STON2: variants seen among roughly 807,000 people sequenced by gnomAD.
STON2 encodes the protein stonin 2.
Under a neutral mutation model 65.7 loss-of-function variants are expected in STON2, and 29 were observed. The ratio of observed to expected loss-of-function variants is 0.44; its 90% CI spans 0.33 to 0.60. STON2 has a LOEUF of 0.60. STON2 is among the 20% of genes least tolerant of loss of function. The pLI is 0.03. For missense variants in STON2, 1,054 were observed against 1,118.1 expected (o/e 0.94, Z 0.82); for synonymous variants, 404 against 414.2 (o/e 0.98, Z 0.30).
In STON2 at chr14:81,398,676, A is replaced by G. The variant is rs549230271; in HGVS notation, c.-198-96T>C. On this transcript the variant is annotated intron_variant, in intron 1 of 7. Coordinates refer to ENST00000614646, the MANE Select transcript of STON2 (RefSeq NM_001394390.1). Reference sequence around the variant, plus strand: ...TAGGGCTTTTAGCGCTGCCCACAAGAAGGCTTGGGGTGGTTTCCAACTTGC... The same window carrying G: ...TAGGGCTTTTAGCGCTGCCCACAAGGAGGCTTGGGGTGGTTTCCAACTTGC... 1.1e-5 allele frequency: 3 copies of G among 261,250 alleles called. No homozygotes were observed. In the East Asian group the frequency reaches 2.0e-4, roughly 18 times the overall value. 16.2% of individuals were successfully genotyped at this position (261,250 alleles called of 1,614,324 possible).
intron 3 of STON2, among the ~76,000 whole-genome samples, chr14:81,386,958 A>G (rs1424014364): frequency 1.3e-5 from 2 of 152,208 alleles, no homozygotes; most frequent in Admixed American, 6.5e-5. Flanking sequence ...GCTGACTGCT[A>G]TATTCTTCCC....
At chr14:81,385,031 A>G (rs1899726036) in intron 3 of STON2, among the ~76,000 whole-genome samples, 1 of 152,160 alleles carries the variant, frequency 6.6e-6, no homozygotes, top group South Asian at 2.1e-4. Context: ...AGATTGCCCA[A>G]CTGTTAGGCA....
chr14:81,418,730 C>G (rs1901562683), intron 2 of STON2, among the ~76,000 whole-genome samples: 1 of 152,202 alleles, frequency 6.6e-6, no homozygotes, highest in Non-Finnish European at 1.5e-5. Flanking sequence ...CACAGCACAA[C>G]TGTAAAACCT....
At position 81,266,142 on chromosome 14, in the gene STON2, A is replaced by G; in HGVS notation, c.*2272T>C. On this transcript the variant is annotated 3_prime_UTR_variant, in exon 8 of 8. Transcript: ENST00000614646. ...TACTATTGAGACTAAACCTATATTT[A>G]GAAGGAATCTTGGTAGACATATAGA... 1 of 974,626 alleles carries G rather than the reference A, an allele frequency of 1.0e-6. No homozygotes were observed. Among genetic ancestry groups the G allele is most frequent in the African/African-American group, 1.8e-5 (1 of 57,128 alleles). 60.4% of individuals were successfully genotyped at this position (974,626 alleles called of 1,614,324 possible).
intron 4 of STON2, among the ~76,000 whole-genome samples, chr14:81,365,067 C>T (rs140132185): frequency 2.0e-4 from 30 of 152,286 alleles, no homozygotes; most frequent in African/African-American, 6.5e-4. Context: ...GCCCCAAGTT[C>T]TGGGTTGAAT....
intron 4 of STON2, among the ~76,000 whole-genome samples, chr14:81,343,175 A>G (rs1474602992): frequency 6.6e-6 from 1 of 152,212 alleles, no homozygotes; most frequent in Admixed American, 6.5e-5. Context: ...TGCCTTGCAA[A>G]TAGCAGACAC....
At chr14:81,278,823 T>C in intron 5 of STON2, 84 bp from the exon 6 acceptor site, 1 of 1,101,094 alleles carries the variant, frequency 9.1e-7, no homozygotes, top group Non-Finnish European at 1.3e-6. Context: ...GAGGGATTAC[T>C]AGAATTTTAA....
chr14:81,296,850 A>T (rs987015815), intron 5 of STON2, among the ~76,000 whole-genome samples: 1 of 152,238 alleles, frequency 6.6e-6, no homozygotes, highest in Admixed American at 6.5e-5. Context: ...ATACTCCCTA[A>T]AATATTTAGA....
At chr14:81,360,748 AACAT>A (rs938265503) in intron 4 of STON2, among the ~76,000 whole-genome samples, 100 of 152,286 alleles carry the variant, frequency 6.6e-4, no homozygotes, top group African/African-American at 2.3e-3. Context: ...GTTTGTTGAT[AACAT>A]AATCTTCCAT....
At chr14:81,341,120 C>T (rs1047485758) in intron 4 of STON2, among the ~76,000 whole-genome samples, 1 of 152,058 alleles carries the variant, frequency 6.6e-6, no homozygotes, top group Non-Finnish European at 1.5e-5. Context: ...TGAAAACAGA[C>T]GTTACTTTTC....
intron 4 of STON2, among the ~76,000 whole-genome samples, chr14:81,328,110 T>A (rs917613296): frequency 6.6e-6 from 1 of 152,192 alleles, no homozygotes; most frequent in Non-Finnish European, 1.5e-5. Flanking sequence ...GTTGTAGTCA[T>A]GACTAGTTTC....
At chr14:81,360,105 T>C (rs1898424068) in intron 4 of STON2, among the ~76,000 whole-genome samples, 1 of 152,110 alleles carries the variant, frequency 6.6e-6, no homozygotes, top group South Asian at 2.1e-4. Flanking sequence ...GAAATGTTTT[T>C]AAATAAAGAA....
At chr14:81,325,036 G>A in intron 4 of STON2, among the ~76,000 whole-genome samples, 1 of 152,208 alleles carries the variant, frequency 6.6e-6, no homozygotes, top group East Asian at 1.9e-4. Context: ...TGCTGGGCCA[G>A]CTAGTGAATG....
chr14:81,324,098 G>C lies in STON2; in HGVS notation c.661C>G (p.Leu221Val), dbSNP rs1217587890. The stretch of plus-strand genomic sequence containing the variant: ...TGGGGTGAGGGTGGCGAGGGGTCCA[G>C]GCGGTGGGTGCGGGTGGAGGTATGC... Reference protein sequence around the residue: ...SEHTSTRTHRLDPSPPSPQPK... With the variant: ...SEHTSTRTHRVDPSPPSPQPK... The change falls in exon 5 of 8, where the codon CTG becomes GTG. Residue 221 changes from leucine (L) to valine (V), a missense_variant. Coordinates refer to ENST00000614646, the MANE Select transcript of STON2 (RefSeq NM_001394390.1). Among the ~76,000 whole-genome samples the C allele has an allele frequency of 1.3e-5, 2 of 152,248 alleles. No individual in the cohort carries two copies. The highest frequency in any genetic ancestry group is 1.9e-4 in the East Asian group (1 of 5,192).
At chr14:81,308,864 AT>A (rs1896311388) in intron 5 of STON2, among the ~76,000 whole-genome samples, 2 of 94,994 alleles carry the variant, frequency 2.1e-5, no homozygotes, top group South Asian at 3.6e-4. Flanking sequence ...ACATACATAC[AT>A]ACATACATAC....
chr14:81,329,019 T>C (rs944795219), intron 4 of STON2, among the ~76,000 whole-genome samples: 5 of 152,150 alleles, frequency 3.3e-5, no homozygotes, highest in Non-Finnish European at 7.4e-5. Flanking sequence ...CAACACAAAA[T>C]AGACTACGAT....
intron 5 of STON2, among the ~76,000 whole-genome samples, chr14:81,302,360 C>T (rs891608320): frequency 6.6e-6 from 1 of 152,208 alleles, no homozygotes; most frequent in African/African-American, 2.4e-5. Context: ...ACAGGCTCTT[C>T]CTGTAGTGAT....
At chr14:81,289,958 A>C (rs986564327) in intron 5 of STON2, among the ~76,000 whole-genome samples, 1 of 152,234 alleles carries the variant, frequency 6.6e-6, no homozygotes, top group Non-Finnish European at 1.5e-5. Context: ...AAGTGGCCAA[A>C]TGAAATAAAC....
At chr14:81,324,822 T>C (rs550736866) in intron 4 of STON2, among the ~76,000 whole-genome samples, 81 of 152,316 alleles carry the variant, frequency 5.3e-4, no homozygotes, top group African/African-American at 1.9e-3. Context: ...CTTTCACAAA[T>C]GGATAATAAC....
Sources: allele counts gnomAD v4.1 joint callset (sites outside exome capture counted in the v4.1 genomes callset), GRCh38; gene constraint gnomAD v4.1.1; transcripts MANE v1.5; gene names NCBI Gene and HGNC (gene_info 2026-07-23, HGNC 2026-07-21).